Variants in CDK13 observed in about 807,000 individuals in gnomAD.
The protein encoded by CDK13 is cyclin-dependent kinase 13.
A neutral mutation model predicts 137.6 loss-of-function variants in CDK13; 40 were observed. The observed-to-expected ratio is 0.29, with a 90% CI of 0.23 to 0.38. CDK13 has a LOEUF of 0.38. Among genes scored for constraint, CDK13 ranks in the 10% least tolerant of loss-of-function variants. The pLI, the probability that CDK13 is intolerant of heterozygous loss-of-function variation, is 1.00. For missense variants in CDK13, 1,704 were observed against 1,951.8 expected, an observed-to-expected ratio of 0.87 and a Z score of 2.39; for synonymous variants, 869 against 760.1, an observed-to-expected ratio of 1.14 and a Z score of -2.36.
At position 39,950,338 on chromosome 7, in the gene CDK13, C is replaced by A. The variant is rs888325578; in HGVS notation, c.-304C>A. 32 of 1,159,534 alleles carry A rather than the reference C, an allele frequency of 2.8e-5. No individual in the cohort carries two copies. Among genetic ancestry groups the A allele is most frequent in the African/African-American group, 6.4e-5 (4 of 62,798 alleles). The allele number at this position is 1,159,534 out of a possible 1,614,324, so 71.8% of individuals were successfully genotyped here. A position where few individuals can be genotyped will look rare whatever the true frequency, so the allele number is the denominator to read the frequency against. Reference sequence around the variant, plus strand: ...GGGGGCACTTGGAGGACTCGGGACTCCCCCGCAGGTCAGCGCCCGGCGCAT... The same window carrying A: ...GGGGGCACTTGGAGGACTCGGGACTACCCCGCAGGTCAGCGCCCGGCGCAT... On this transcript the variant is annotated 5_prime_UTR_variant, in exon 1 of 14. Coordinates refer to ENST00000181839, the MANE Select transcript of CDK13 (RefSeq NM_003718.5).
intron 1 of CDK13, among the ~76,000 whole-genome samples, chr7:39,973,866 G>A (rs1784051400): frequency 6.6e-6 from 1 of 152,138 alleles, no homozygotes; most frequent in Non-Finnish European, 1.5e-5. Context: ...AATTGTCTTA[G>A]CACCCTTGTT....
In CDK13 at chr7:39,989,348, C is replaced by G. The variant is rs564002671; in HGVS notation, c.1871+1090C>G. Among the ~76,000 whole-genome samples, 3 of 150,974 alleles carry G rather than the reference C, an allele frequency of 2.0e-5. No individual in the cohort carries two copies. The South Asian group carries it at 6.3e-4, about 32-fold the overall frequency. On this transcript the variant is annotated intron_variant, in intron 2 of 13. Coordinates refer to ENST00000181839, the MANE Select transcript of CDK13 (RefSeq NM_003718.5). ...TTATGAAGAAATTAGAGCTTCCACC[C>G]CCTCCCACTCCCCATTAAAAAGCAA...
rs927741062 is a variant in CDK13 at position 40,014,058 on chromosome 7, C to CTTT, written c.2353+12052_2353+12054dup. Among the ~76,000 whole-genome samples the CTTT allele has an allele frequency of 4.4e-4, 27 of 60,946 alleles. 1 individual carries two copies. Among genetic ancestry groups the CTTT allele is most frequent in the South Asian group, 4.3e-3 (7 of 1,610 alleles). The allele number at this position is 60,946 out of a possible 152,430, so 40.0% of individuals were successfully genotyped here. A position where few individuals can be genotyped will look rare whatever the true frequency, so the allele number is the denominator to read the frequency against. ...TGATAGGCAAAAAATGCTGTCTTGT[C>CTTT]TTTTTTTTTTTTTTTTTTTTTTTTT... On this transcript the variant is annotated intron_variant, in intron 5 of 13. Coordinates refer to ENST00000181839, the MANE Select transcript of CDK13 (RefSeq NM_003718.5).
chr7:40,058,171 C>T (rs185292199), intron 7 of CDK13, among the ~76,000 whole-genome samples: 4 of 152,136 alleles, frequency 2.6e-5, no homozygotes, highest in African/African-American at 9.6e-5. Flanking sequence ...ATTCCAAGTA[C>T]AAAGGAGAAG....
At position 39,961,485 on chromosome 7, in the gene CDK13, C is replaced by T. The variant is rs1428305947; in HGVS notation, c.1211+9633C>T. 2.0e-5 allele frequency among the ~76,000 whole-genome samples: 3 copies of T among 152,142 alleles called. No individual in the cohort carries two copies. In the East Asian group the frequency reaches 5.8e-4, roughly 29 times the overall value. On this transcript the variant is annotated intron_variant, in intron 1 of 13. Transcript: ENST00000181839. The stretch of plus-strand genomic sequence containing the variant: ...CTGAAACTTTGTGTCTTTTGATCAA[C>T]ATCTCCCTTTCCCTATACACTCCTC...
chr7:40,045,449 T>A (rs63326761), intron 5 of CDK13, among the ~76,000 whole-genome samples: 151 of 146,142 alleles, frequency 1.0e-3, no homozygotes, highest in African/African-American at 4.0e-3. Flanking sequence ...TTTTTTTTTT[T>A]AATTAAAAGC....
chr7:40,024,645 G>GTTTTTTTTTTTTTTTTTTTTTTTTT (rs58010602), intron 5 of CDK13, among the ~76,000 whole-genome samples: 2 of 50,264 alleles, frequency 4.0e-5, no homozygotes, highest in African/African-American at 1.7e-4. Flanking sequence ...GTAGCTCTGT[G>GTTTTTTTTTTTTTTTTTTTTTTTTT]TTTTTTTTTT....
intron 9 of CDK13, 53 bp from the exon 10 acceptor site, chr7:40,077,952 A>T: frequency 1.4e-6 from 1 of 728,282 alleles, no homozygotes; most frequent in South Asian, 2.3e-5. Flanking sequence ...TAACAGTTGT[A>T]TGTATTCTTT....
At chr7:39,971,892 AAAAC>A (rs1784006906) in intron 1 of CDK13, among the ~76,000 whole-genome samples, 1 of 152,096 alleles carries the variant, frequency 6.6e-6, no homozygotes, top group African/African-American at 2.4e-5. Flanking sequence ...CAAAAAATGA[AAAAC>A]AAAAAAAACA....
intron 1 of CDK13, among the ~76,000 whole-genome samples, chr7:39,975,667 C>T (rs1784089393): frequency 6.6e-6 from 1 of 152,092 alleles, no homozygotes; most frequent in Admixed American, 6.5e-5. Context: ...ATGATCTAAG[C>T]ATCCCAGGAA....
chr7:39,960,576 AATTT>A (rs2116129536), intron 1 of CDK13, among the ~76,000 whole-genome samples: 1 of 149,474 alleles, frequency 6.7e-6, no homozygotes, highest in African/African-American at 2.5e-5. Context: ...TTTTAAAATT[AATTT>A]ATTTATTTAA....
Position 40,092,807 on chromosome 7 carries a change from C to A in CDK13, c.3258C>A (p.His1086Gln). 1 of 1,614,052 alleles carries A rather than the reference C, an allele frequency of 6.2e-7. No homozygotes were observed. Among genetic ancestry groups the A allele is most frequent in the Non-Finnish European group, 8.5e-7 (1 of 1,179,966 alleles). Residue 1086 changes from histidine to glutamine, a missense_variant, in exon 13 of 14, where the codon CAC (histidine) becomes CAA (glutamine). Physicochemically the swap from His to Gln is conservative, Grantham distance 24 (BLOSUM62 0). Transcript: ENST00000181839. ...VAPVKTGPGQ[H>Q]LNHSELAILL... is the part of the protein sequence containing the mutation. ...TAGTAAAAACAGGCCCTGGACAGCA[C>A]TTAAACCACAGTGAATTGGCAATTC...
chr7:39,976,315 T>TCACACACACACACACA (rs1263912236), intron 1 of CDK13, among the ~76,000 whole-genome samples: 1 of 68,616 alleles, frequency 1.5e-5, no homozygotes, highest in Non-Finnish European at 3.7e-5. Flanking sequence ...TCTCTCTCTC[T>TCACACACACACACACA]CTCTCTCTCA....
At position 40,046,166 on chromosome 7, in the gene CDK13, C is replaced by T. The variant is rs9639817; in HGVS notation, c.2543+141C>T. On this transcript the variant is annotated intron_variant, in intron 6 of 13. Coordinates refer to ENST00000181839, the MANE Select transcript of CDK13 (RefSeq NM_003718.5). ...GTTACCTATTAGGTACAGTGTCCAA[C>T]GTTTGGGTGATGGGTACCCCAGAAG... 160,563 of 532,474 alleles carry T rather than the reference C, an allele frequency of 0.3. 28,057 individuals carry two copies. The highest frequency in any genetic ancestry group is 0.49 in the Middle Eastern group (964 of 1,984). The allele number at this position is 532,474 out of a possible 1,614,324, so 33.0% of individuals were successfully genotyped here. A position where few individuals can be genotyped will look rare whatever the true frequency, so the allele number is the denominator to read the frequency against.
chr7:40,046,643 G>A (rs943658556), intron 6 of CDK13, among the ~76,000 whole-genome samples: 1 of 150,790 alleles, frequency 6.6e-6, no homozygotes, highest in Admixed American at 6.6e-5. Context: ...CGAGACTCTG[G>A]CTCAAAAATA....
chr7:39,975,297 T>G (rs1784082824), intron 1 of CDK13, among the ~76,000 whole-genome samples: 1 of 151,928 alleles, frequency 6.6e-6, no homozygotes, highest in Non-Finnish European at 1.5e-5. Context: ...ACTTGTCCCA[T>G]CTACTTGAGG....
chr7:39,971,840 ACCACTGCCTGGGCAACAGAG>A (rs1314245155), intron 1 of CDK13, among the ~76,000 whole-genome samples: 2 of 152,210 alleles, frequency 1.3e-5, no homozygotes, highest in Non-Finnish European at 2.9e-5. Context: ...CTGAGATTGC[ACCACTGCCTGGGCAACAGAG>A]CAAGACTCCA....
At position 40,097,993 on chromosome 7, in the gene CDK13, C is replaced by G. The variant is rs529939833; in HGVS notation, c.*3013C>G. The stretch of plus-strand genomic sequence containing the variant: ...ATACTTTCAGTGTGCTGACAGTGAG[C>G]AAGATTTTTTTAAATGTCTGGAGAA... On this transcript the variant is annotated 3_prime_UTR_variant, in exon 14 of 14. Coordinates refer to ENST00000181839, the MANE Select transcript of CDK13 (RefSeq NM_003718.5). 1.3e-5 allele frequency: 2 copies of G among 152,118 alleles called. No individual in the cohort carries two copies. Among genetic ancestry groups the G allele is most frequent in the Non-Finnish European group, 2.9e-5 (2 of 67,948 alleles). The allele number at this position is 152,118 out of a possible 1,614,324, so 9.4% of individuals were successfully genotyped here. A position where few individuals can be genotyped will look rare whatever the true frequency, so the allele number is the denominator to read the frequency against.
At chr7:40,065,437 C>T (rs1471039984) in intron 9 of CDK13, among the ~76,000 whole-genome samples, 1 of 151,644 alleles carries the variant, frequency 6.6e-6, no homozygotes, top group Non-Finnish European at 1.5e-5. Context: ...ACATAAAATA[C>T]AGTAACACTA....
Sources: allele counts gnomAD v4.1 joint callset (sites outside exome capture counted in the v4.1 genomes callset), GRCh38; gene constraint gnomAD v4.1.1; transcripts MANE v1.5; gene names NCBI Gene and HGNC (gene_info 2026-07-23, HGNC 2026-07-21).